CTNNA3: variants seen among roughly 807,000 people sequenced by gnomAD.
CTNNA3 encodes catenin alpha-3.
A neutral mutation model predicts 95.7 loss-of-function variants in CTNNA3; 76 were observed. That is an observed-to-expected ratio of 0.79 (90% CI 0.66 to 0.96). CTNNA3 has a LOEUF of 0.96. CTNNA3 is among the 40% of genes least tolerant of loss of function. CTNNA3 has a pLI of 0.00. For synonymous variants in CTNNA3, 431 were observed against 374.4 expected, an observed-to-expected ratio of 1.15 and a Z score of -1.74; for missense variants, 1,191 against 1,089.8, an observed-to-expected ratio of 1.09 and a Z score of -1.31.
intron 11 of CTNNA3, among the ~76,000 whole-genome samples, chr10:66,389,285 G>A (rs1413295775): frequency 6.6e-6 from 1 of 152,046 alleles, no homozygotes; most frequent in Admixed American, 6.6e-5. Context: ...AAAAGAAAGA[G>A]AATATGTTAT....
intron 1 of CTNNA3, among the ~76,000 whole-genome samples, chr10:67,693,633 T>C (rs1368837192): frequency 6.6e-6 from 1 of 152,178 alleles, no homozygotes; most frequent in Admixed American, 6.5e-5. Context: ...ATTTAAAAAG[T>C]TTTTTAATAC....
At chr10:67,324,955 G>T (rs1448355371) in intron 5 of CTNNA3, among the ~76,000 whole-genome samples, 1 of 152,010 alleles carries the variant, frequency 6.6e-6, no homozygotes, top group Non-Finnish European at 1.5e-5. Flanking sequence ...GTTCTTCCTG[G>T]TTCAGTCTTG....
chr10:66,903,504 C>T (rs1845846238), intron 7 of CTNNA3, among the ~76,000 whole-genome samples: 1 of 152,120 alleles, frequency 6.6e-6, no homozygotes, highest in Admixed American at 6.5e-5. Flanking sequence ...TCCTATTCAA[C>T]ATAGTGTTGG....
In CTNNA3 at chr10:67,295,016, TCAA is replaced by T. The variant is rs375340941; in HGVS notation, c.580-75149_580-75147del. 5.1e-3 allele frequency among the ~76,000 whole-genome samples: 779 copies of T among 152,306 alleles called. 9 individuals are homozygous for T. The highest frequency in any genetic ancestry group is 0.018 in the African/African-American group (737 of 41,572). ...TGAGTACTCGTTGAATTAAATGCCTTCAACAACATCATAATTCACCCCAAAGAT... is the reference window on the plus strand; with the variant it reads ...TGAGTACTCGTTGAATTAAATGCCTTCAACATCATAATTCACCCCAAAGAT... On this transcript the variant is annotated intron_variant, in intron 5 of 17. Transcript: ENST00000433211.
At chr10:66,551,896 CTTT>C (rs141885331) in intron 10 of CTNNA3, among the ~76,000 whole-genome samples, 25 of 113,962 alleles carry the variant, frequency 2.2e-4, no homozygotes, top group African/African-American at 6.8e-4. Flanking sequence ...TTTTCTTTTC[CTTT>C]TTTTTTTTTT....
chr10:66,662,542 C>T (rs1846299465), intron 9 of CTNNA3, among the ~76,000 whole-genome samples: 2 of 152,098 alleles, frequency 1.3e-5, no homozygotes, highest in African/African-American at 4.8e-5. Context: ...CTTCTACTTA[C>T]TTTCTCAACA....
At chr10:66,420,079 C>T (rs1435369862) in intron 11 of CTNNA3, among the ~76,000 whole-genome samples, 1 of 151,992 alleles carries the variant, frequency 6.6e-6, no homozygotes, top group Admixed American at 6.5e-5. Context: ...GCAAAGGAAA[C>T]AATCAAAAGA....
intron 13 of CTNNA3, among the ~76,000 whole-genome samples, chr10:66,270,414 C>A (rs182852389): frequency 9.5e-4 from 145 of 152,158 alleles, no homozygotes; most frequent in African/African-American, 3.4e-3. Context: ...CCATGTTGCC[C>A]AGGCTTGTCT....
intron 12 of CTNNA3, among the ~76,000 whole-genome samples, chr10:66,340,996 T>G (rs1240381981): frequency 6.6e-6 from 1 of 151,900 alleles, no homozygotes; most frequent in African/African-American, 2.4e-5. Context: ...AACATACCTC[T>G]GTCTAACATT....
intron 7 of CTNNA3, among the ~76,000 whole-genome samples, chr10:66,865,116 T>C (rs1844114872): frequency 6.6e-6 from 1 of 152,030 alleles, no homozygotes; most frequent in African/African-American, 2.4e-5. Context: ...TTTTCCATAC[T>C]TATAAAATAC....
chr10:66,426,246 C>G (rs2093239881), intron 11 of CTNNA3, among the ~76,000 whole-genome samples: 1 of 151,930 alleles, frequency 6.6e-6, no homozygotes, highest in Non-Finnish European at 1.5e-5. Context: ...TGGGTGTATA[C>G]TTGGAATGAC....
At chr10:67,571,967 C>CAGATCA (rs1471266419) in intron 3 of CTNNA3, among the ~76,000 whole-genome samples, 2 of 152,108 alleles carry the variant, frequency 1.3e-5, no homozygotes, top group African/African-American at 4.8e-5. Flanking sequence ...CATCTAAATA[C>CAGATCA]AGATCAAGTA....
chr10:66,200,746 G>T lies in CTNNA3; in HGVS notation c.1884+79724C>A, dbSNP rs114982897. Among the ~76,000 whole-genome samples, 508 of 152,256 alleles carry T rather than the reference G, an allele frequency of 3.3e-3. 2 individuals are homozygous for T. Among genetic ancestry groups the T allele is most frequent in the African/African-American group, 0.011 (466 of 41,552 alleles). ...ATCCCTGTGGTTATAGCATTTTACT[G>T]AAATCTGGTTGTATTAAACATTACC... is the stretch of plus-strand genomic sequence containing the variant. On this transcript the variant is annotated intron_variant, in intron 13 of 17. Transcript: ENST00000433211.
chr10:66,568,004 A>G (rs1443380536), intron 10 of CTNNA3, among the ~76,000 whole-genome samples: 1 of 152,212 alleles, frequency 6.6e-6, no homozygotes, highest in Non-Finnish European at 1.5e-5. Flanking sequence ...TCAAACATGT[A>G]TACTTCACAT....
At chr10:67,402,635 C>T (rs1844966365) in intron 5 of CTNNA3, among the ~76,000 whole-genome samples, 1 of 152,176 alleles carries the variant, frequency 6.6e-6, no homozygotes, top group Non-Finnish European at 1.5e-5. Context: ...AAGGGAACCC[C>T]CACCCCAGCC....
intron 7 of CTNNA3, among the ~76,000 whole-genome samples, chr10:67,104,383 A>G (rs1858510312): frequency 6.6e-6 from 1 of 152,084 alleles, no homozygotes; most frequent in Non-Finnish European, 1.5e-5. Context: ...CTGAAAGATA[A>G]CCTTTATAAT....
chr10:66,722,058 T>C (rs1373065582), intron 9 of CTNNA3, among the ~76,000 whole-genome samples: 1 of 152,130 alleles, frequency 6.6e-6, no homozygotes, highest in Non-Finnish European at 1.5e-5. Context: ...AACCAGGTTG[T>C]ATTTATCAGC....
chr10:67,478,813 C>G (rs1714872391), intron 5 of CTNNA3, among the ~76,000 whole-genome samples: 1 of 151,260 alleles, frequency 6.6e-6, no homozygotes, highest in South Asian at 2.1e-4. Flanking sequence ...CTAAACACCC[C>G]CACTTAAAAG....
intron 12 of CTNNA3, among the ~76,000 whole-genome samples, chr10:66,326,167 T>A (rs958209291): frequency 6.6e-6 from 1 of 152,122 alleles, no homozygotes; most frequent in African/African-American, 2.4e-5. Context: ...CAAGATACTT[T>A]ACCACACAAC....
Sources: gnomAD v4.1 joint callset for allele counts (sites outside exome capture counted in the v4.1 genomes callset) on GRCh38, gnomAD v4.1.1 for gene constraint, MANE v1.5 for transcripts, NCBI Gene and HGNC (gene_info 2026-07-23, HGNC 2026-07-21) for gene names.